The following PLA2G4B variants were observed in gnomAD, a reference collection of about 807,000 sequenced individuals.
PLA2G4B encodes cytosolic phospholipase A2 beta.
PLA2G4B carries 122 observed loss-of-function variants against 95.8 expected under a neutral mutation model. That is an observed-to-expected ratio of 1.27 (90% CI 1.10 to 1.48). The LOEUF (loss-of-function observed/expected upper bound fraction) is 1.48, where lower values mean the gene tolerates loss of function less well. Ranked by LOEUF, PLA2G4B falls within the 40% of genes most tolerant of loss-of-function variation. The probability of loss-of-function intolerance (pLI) is 0.00; values close to 1 mark genes in which losing one functional copy is unlikely to be tolerated. For synonymous variants in PLA2G4B, 518 were observed against 421.5 expected (o/e 1.23, Z -2.80); for missense variants, 1,158 against 996.2 (o/e 1.16, Z -2.19).
chr15:41,844,091 T>A (rs1395233948), intron 11 of PLA2G4B, among the ~76,000 whole-genome samples: 1 of 152,220 alleles, frequency 6.6e-6, no homozygotes, highest in East Asian at 1.9e-4. Flanking sequence ...ATATCTGGTA[T>A]GAGGCCTGTT....
intron 11 of PLA2G4B, among the ~76,000 whole-genome samples, 161 bp downstream of exon 11, chr15:41,843,972 CAG>C (rs2065485173): frequency 6.6e-6 from 1 of 152,220 alleles, no homozygotes; most frequent in Non-Finnish European, 1.5e-5. Context: ...TTGGTACAGG[CAG>C]AGTGTTGCTT....
At chr15:41,847,255 G>A (rs1451708945) in intron 18 of PLA2G4B, 82 bp from the exon 19 acceptor site, 7 of 1,506,350 alleles carry the variant, frequency 4.6e-6, no homozygotes, top group Non-Finnish European at 6.2e-6. Flanking sequence ...TGAGCCCCAG[G>A]TCCTGTGCAT....
In PLA2G4B at chr15:41,846,727, G is replaced by A; in HGVS notation, c.1839G>A (p.Leu613=). The A allele has an allele frequency of 2.5e-6, 4 of 1,613,952 alleles. No homozygotes were observed. The highest frequency in any genetic ancestry group is 3.4e-6 in the Non-Finnish European group (4 of 1,179,910). The part of the protein sequence containing the change: ...QLTPSEPHLC[L]LDVGYLINTS... ...CACCCTCGGAGCCCCACCTGTGCCT[G>A]CTGGATGTTGGCTACCTCATCAATA... Residue 613 remains leucine, a synonymous_variant, in exon 18 of 20, where the codon CTG becomes CTA. Coordinates refer to ENST00000458483, the MANE Select transcript of PLA2G4B (RefSeq NM_001114633.2).
chr15:41,847,265 T>G, intron 18 of PLA2G4B, 72 bp from the exon 19 acceptor site: 1 of 1,518,044 alleles, frequency 6.6e-7, no homozygotes, highest in Non-Finnish European at 8.8e-7. Flanking sequence ...GTCCTGTGCA[T>G]CTTACGTCAG....
chr15:41,841,096 G>A lies in PLA2G4B; in HGVS notation c.392+1G>A, dbSNP rs778405616. 1.3e-6 allele frequency: 2 copies of A among 1,599,818 alleles called. No homozygotes were observed. The highest frequency in any genetic ancestry group is 1.7e-4 in the Middle Eastern group (1 of 6,006). On this transcript the variant is annotated splice_donor_variant, in intron 5 of 19. Coordinates refer to ENST00000458483, the MANE Select transcript of PLA2G4B (RefSeq NM_001114633.2). LOFTEE classifies it high-confidence loss of function. Reference sequence around the variant, plus strand: ...AAGTTGAATTTCGCCTGCAGAGTCTGTGAGTCAGGGGCCTGGGGCAGTTTG... The same window carrying A: ...AAGTTGAATTTCGCCTGCAGAGTCTATGAGTCAGGGGCCTGGGGCAGTTTG...
At position 41,838,911 on chromosome 15, in the gene PLA2G4B, C is replaced by A; in HGVS notation, c.-3C>A. 1 of 1,596,400 alleles carries A rather than the reference C, an allele frequency of 6.3e-7. No individual in the cohort carries two copies. Among genetic ancestry groups the A allele is most frequent in the South Asian group, 1.1e-5 (1 of 87,902 alleles). On this transcript the variant is annotated 5_prime_UTR_variant, in exon 1 of 20. Coordinates refer to ENST00000458483, the MANE Select transcript of PLA2G4B (RefSeq NM_001114633.2). ...TCATTCCTGCTCCTGAGGACTCAGT[C>A]TCATGGCTGTGGTAAGGCCTGGCAG... is the stretch of plus-strand genomic sequence containing the variant.
intron 11 of PLA2G4B, among the ~76,000 whole-genome samples, chr15:41,844,109 G>A (rs1216020180): frequency 6.6e-6 from 1 of 152,206 alleles, no homozygotes; most frequent in Non-Finnish European, 1.5e-5. Context: ...GTTGGCCCAG[G>A]GTGCTTCAGG....
intron 7 of PLA2G4B, 31 bp downstream of exon 7, chr15:41,841,602 G>T (rs1447381271): frequency 6.8e-6 from 11 of 1,613,680 alleles, no homozygotes; most frequent in Non-Finnish European, 9.3e-6. Flanking sequence ...GACAGCCCCT[G>T]GCTCTCAGCT....
At position 41,842,534 on chromosome 15, in the gene PLA2G4B, G is replaced by A; in HGVS notation, c.706-20G>A. ...TGGAGGTGGCCGACCTTTTGTGACT[G>A]GGGCCTTCACGGTTTTCAGGAGCCC... On this transcript the variant is annotated intron_variant, in intron 9 of 19. Coordinates refer to ENST00000458483, the MANE Select transcript of PLA2G4B (RefSeq NM_001114633.2). 1 of 1,611,508 alleles carries A rather than the reference G, an allele frequency of 6.2e-7. No individual in the cohort carries two copies. The highest frequency in any genetic ancestry group is 8.5e-7 in the Non-Finnish European group (1 of 1,179,308).
chr15:41,846,504 C>T, intron 17 of PLA2G4B, 122 bp downstream of exon 17: 1 of 1,508,266 alleles, frequency 6.6e-7, no homozygotes. Flanking sequence ...CTACTTGGAA[C>T]AGGGGTCTTT....
rs367692494 is a variant in PLA2G4B at position 41,842,355 on chromosome 15, C to G, written c.705+79C>G. ...GCCACAAAGGGAGGGGCCTGCTTCC[C>G]GCTTCTCCGTGGGTCACACCCTGAG... On this transcript the variant is annotated intron_variant, in intron 9 of 19. Transcript: ENST00000458483. 14 of 1,588,702 alleles carry G rather than the reference C, an allele frequency of 8.8e-6. No individual in the cohort carries two copies. In the Admixed American group the frequency reaches 2.0e-4, roughly 22 times the overall value.
chr15:41,845,194 T>C lies in PLA2G4B; in HGVS notation c.1240-9T>C, dbSNP rs1369553603. 1 of 1,614,126 alleles carries C rather than the reference T, an allele frequency of 6.2e-7. No individual in the cohort carries two copies. The highest frequency in any genetic ancestry group is 8.5e-7 in the Non-Finnish European group (1 of 1,179,980). On this transcript the variant is annotated splice_polypyrimidine_tract_variant and intron_variant, in intron 13 of 19. Transcript: ENST00000458483. ...GCTGTGGGTTTAGGTTCTACGCATC[T>C]TTCCCCAGCCCCATGATCACAAGCT...
chr15:41,841,710 C>G, intron 7 of PLA2G4B, 109 bp from the exon 8 acceptor site: 1 of 1,566,890 alleles, frequency 6.4e-7, no homozygotes, highest in Non-Finnish European at 8.7e-7. Context: ...CCATCTCCAC[C>G]AGACCATTTC....
Position 41,841,929 on chromosome 15 carries a change from G to C in PLA2G4B, c.601G>C (p.Glu201Gln). The change falls in exon 8 of 20, where the codon GAG (glutamate) becomes CAG (glutamine). Residue 201 changes from glutamate to glutamine, a missense_variant. By Grantham distance (29) the Glu-to-Gln change is conservative (BLOSUM62 2). Coordinates refer to ENST00000458483, the MANE Select transcript of PLA2G4B (RefSeq NM_001114633.2). ...CCACTGCCCAGCCTGCTGGGAGCAG[G>C]AGCTGAGTATTCGCCTGCAGGTAGT... ...RFHCPACWEQELSIRLQDAPE... is the reference protein window; with the variant it reads ...RFHCPACWEQQLSIRLQDAPE... The C allele has an allele frequency of 1.2e-6, 2 of 1,612,732 alleles. 1 individual carries two copies. The highest frequency in any genetic ancestry group is 3.3e-4 in the Middle Eastern group (2 of 6,014).
chr15:41,839,130 C>T (rs1426385810), intron 1 of PLA2G4B: 4 of 436,828 alleles, frequency 9.2e-6, no homozygotes, highest in Middle Eastern at 4.7e-4. Context: ...GTCCTGGGAA[C>T]GGGCTCCTGG....
intron 11 of PLA2G4B, among the ~76,000 whole-genome samples, chr15:41,844,096 C>T (rs1005508188): frequency 2.0e-5 from 3 of 152,188 alleles, no homozygotes; most frequent in African/African-American, 7.2e-5. Context: ...TGGTATGAGG[C>T]CTGTTGGCCC....
In PLA2G4B at chr15:41,846,218, C is replaced by G; in HGVS notation, c.1616C>G (p.Pro539Arg). 2 of 1,613,858 alleles carry G rather than the reference C, an allele frequency of 1.2e-6. No homozygotes were observed. Among genetic ancestry groups the G allele is most frequent in the Non-Finnish European group, 1.7e-6 (2 of 1,179,888 alleles). The change falls in exon 17 of 20, where the codon CCC becomes CGC. Residue 539 changes from proline (P) to arginine (R), a missense_variant. Transcript: ENST00000458483. Reference sequence around the variant, plus strand: ...GCCTGTGTAGACAAGGAGCAGGTCCCCCTTCTGAAGATAGAAGAACCACCC... The same window carrying G: ...GCCTGTGTAGACAAGGAGCAGGTCCGCCTTCTGAAGATAGAAGAACCACCC... Reference protein sequence around the residue: ...NQANLDKEQVPLLKIEEPPST... With the variant: ...NQANLDKEQVRLLKIEEPPST...
chr15:41,839,939 C>A, intron 1 of PLA2G4B: 1 of 577,650 alleles, frequency 1.7e-6, no homozygotes, highest in Middle Eastern at 2.8e-4. Context: ...GTATGCAAAG[C>A]CCTTGGCCCA....
intron 7 of PLA2G4B, 73 bp from the exon 8 acceptor site, chr15:41,841,746 G>A: frequency 1.3e-6 from 2 of 1,587,138 alleles, no homozygotes; most frequent in Non-Finnish European, 1.7e-6. Context: ...GTGCCCTCCA[G>A]GCCACGCAGC....
Sources: gnomAD v4.1 joint callset for allele counts (sites outside exome capture counted in the v4.1 genomes callset) on GRCh38, gnomAD v4.1.1 for gene constraint, MANE v1.5 for transcripts, NCBI Gene and HGNC (gene_info 2026-07-23, HGNC 2026-07-21) for gene names.